The following HMCN1 variants were observed in gnomAD, a reference collection of about 807,000 sequenced individuals.
The protein encoded by HMCN1 is hemicentin-1.
In HMCN1, 321 loss-of-function variants were observed where a neutral mutation model predicts 625.9. That is an observed-to-expected ratio of 0.51 (90% CI 0.47 to 0.56). The LOEUF (loss-of-function observed/expected upper bound fraction) is 0.56. Among genes scored for constraint, HMCN1 ranks in the 20% least tolerant of loss-of-function variants. The probability of loss-of-function intolerance (pLI) is 0.00; values close to 1 mark genes in which losing one functional copy is unlikely to be tolerated. For missense variants in HMCN1, 6,588 were observed against 6,887.3 expected, an observed-to-expected ratio of 0.96 and a Z score of 1.54; for synonymous variants, 2,425 against 2,417.6, an observed-to-expected ratio of 1.00 and a Z score of -0.09.
chr1:186,160,919 T>C (rs1390744427), intron 97 of HMCN1, among the ~76,000 whole-genome samples: 1 of 151,868 alleles, frequency 6.6e-6, no homozygotes. Flanking sequence ...TGGAGAGTTC[T>C]GTAGATGTCT....
At chr1:186,120,243 C>A (rs751428309) in intron 80 of HMCN1, 98 bp downstream of exon 80, 23 of 1,327,142 alleles carry the variant, frequency 1.7e-5, no homozygotes, top group Non-Finnish European at 2.4e-5. Context: ...GCTGTTCCCC[C>A]ATAGTTCTCG....
intron 28 of HMCN1, among the ~76,000 whole-genome samples, chr1:186,002,223 G>T (rs2102070318): frequency 6.6e-6 from 1 of 152,196 alleles, no homozygotes; most frequent in African/African-American, 2.4e-5. Flanking sequence ...TTCTAATTAA[G>T]TAGGTAGCAG....
rs1167051920 is a variant in HMCN1 at position 186,065,298 on chromosome 1, C to T, written c.7574C>T (p.Ala2525Val). ...GGGCAGCCCCTCCAAGAAGATGAAGCCCATCACATTATATCTGGTGGCCGT... is the reference window on the plus strand; with the variant it reads ...GGGCAGCCCCTCCAAGAAGATGAAGTCCATCACATTATATCTGGTGGCCGT... ...KDGQPLQEDE[A>V]HHIISGGRFL... Residue 2525 changes from alanine (A) to valine (V), a missense_variant, in exon 49 of 107, where the codon GCC becomes GTC. This residue lies in a region of HMCN1 where 4,628 missense variants were observed against 4,853.1 expected (regional missense o/e 0.95). Transcript: ENST00000271588. The T allele has an allele frequency of 1.9e-6, 3 of 1,612,398 alleles. No individual in the cohort carries two copies. In the African/African-American group the frequency reaches 4.0e-5, roughly 22 times the overall value.
At chr1:185,968,356 C>T (rs1053027160) in intron 14 of HMCN1, among the ~76,000 whole-genome samples, 2 of 152,032 alleles carry the variant, frequency 1.3e-5, no homozygotes, top group African/African-American at 4.8e-5. Context: ...ACTCTTCTCA[C>T]TAACTTTCTC....
At position 186,089,216 on chromosome 1, in the gene HMCN1, G is replaced by A. The variant is rs945767739; in HGVS notation, c.9727+461G>A. 9.9e-5 allele frequency among the ~76,000 whole-genome samples: 15 copies of A among 152,072 alleles called. 2 individuals carry two copies. In the South Asian group the frequency reaches 3.1e-3, roughly 32 times the overall value. On this transcript the variant is annotated intron_variant, in intron 63 of 106. Coordinates refer to ENST00000271588, the MANE Select transcript of HMCN1 (RefSeq NM_031935.3). ...TATTTTAAGATGAGCAATTCATCAA[G>A]TATTTAATTAATGCCTATTATGTTC...
At chr1:185,745,287 A>G (rs1378178407) in intron 1 of HMCN1, among the ~76,000 whole-genome samples, 1 of 152,206 alleles carries the variant, frequency 6.6e-6, no homozygotes, top group African/African-American at 2.4e-5. Flanking sequence ...GCCAAGTTCT[A>G]ACTAGGGTTC....
chr1:185,984,705 CT>C (rs2102010855), intron 19 of HMCN1, among the ~76,000 whole-genome samples: 1 of 152,292 alleles, frequency 6.6e-6, no homozygotes, highest in South Asian at 2.1e-4. Flanking sequence ...CCCCTTTGTG[CT>C]TGAGCTAGAA....
intron 15 of HMCN1, 39 bp downstream of exon 15, chr1:185,970,532 T>C (rs1335686324): frequency 6.5e-7 from 1 of 1,542,984 alleles, no homozygotes; most frequent in Non-Finnish European, 9.0e-7. Context: ...TGTTTAGAAA[T>C]TGATATGTTA....
At chr1:185,804,730 A>C (rs1659057283) in intron 1 of HMCN1, among the ~76,000 whole-genome samples, 1 of 151,998 alleles carries the variant, frequency 6.6e-6, no homozygotes, top group South Asian at 2.1e-4. Context: ...ATGTGTCCTT[A>C]CTTTGACCTG....
At chr1:186,094,870 A>T (rs1660046534) in intron 67 of HMCN1, among the ~76,000 whole-genome samples, 1 of 152,182 alleles carries the variant, frequency 6.6e-6, no homozygotes, top group African/African-American at 2.4e-5. Flanking sequence ...GTAATCTACA[A>T]ATGACTTACC....
At chr1:185,935,548 T>A (rs188320025) in intron 11 of HMCN1, among the ~76,000 whole-genome samples, 17 of 152,208 alleles carry the variant, frequency 1.1e-4, no homozygotes, top group Admixed American at 1.1e-3. Context: ...TCCAACAATT[T>A]TAAAAAGTGC....
chr1:186,005,694 C>T (rs1653580689), intron 29 of HMCN1, among the ~76,000 whole-genome samples: 1 of 152,122 alleles, frequency 6.6e-6, no homozygotes, highest in African/African-American at 2.4e-5. Context: ...AGCAGACTCA[C>T]ATTAGGGGCC....
chr1:185,968,774 C>T, intron 14 of HMCN1, among the ~76,000 whole-genome samples: 1 of 152,088 alleles, frequency 6.6e-6, no homozygotes, highest in African/African-American at 2.4e-5. Flanking sequence ...CTATGTATAA[C>T]ATTCTTCTAG....
intron 1 of HMCN1, among the ~76,000 whole-genome samples, chr1:185,744,686 C>A (rs929507546): frequency 6.6e-6 from 1 of 152,096 alleles, no homozygotes. Context: ...TGCACCTGAT[C>A]CTGAATTAAG....
chr1:186,047,369 G>A (rs1380546465), intron 41 of HMCN1, among the ~76,000 whole-genome samples: 3 of 152,140 alleles, frequency 2.0e-5, no homozygotes, highest in African/African-American at 7.2e-5. Context: ...AAATGACAGA[G>A]GGATACAATT....
chr1:186,178,401 A>C lies in HMCN1; in HGVS notation c.15944-15A>C. 1.3e-6 allele frequency: 2 copies of C among 1,584,490 alleles called. No homozygotes were observed. The highest frequency in any genetic ancestry group is 1.7e-6 in the Non-Finnish European group (2 of 1,153,482). ...TGTCTTTTTTTTTCTTTTTTATATCATGGCATACGAGCAGACATTAATGAA... is the reference window on the plus strand; with the variant it reads ...TGTCTTTTTTTTTCTTTTTTATATCCTGGCATACGAGCAGACATTAATGAA... On this transcript the variant is annotated splice_polypyrimidine_tract_variant and intron_variant, in intron 103 of 106. Coordinates refer to ENST00000271588, the MANE Select transcript of HMCN1 (RefSeq NM_031935.3).
intron 23 of HMCN1, 110 bp from the exon 24 acceptor site, chr1:185,994,705 A>T: frequency 8.8e-7 from 1 of 1,139,094 alleles, no homozygotes; most frequent in Non-Finnish European, 1.3e-6. Context: ...CAAATTCTGA[A>T]ATTATTTCAC....
chr1:185,990,495 G>C (rs1419810851), intron 22 of HMCN1, 52 bp downstream of exon 22: 2 of 1,495,490 alleles, frequency 1.3e-6, no homozygotes, highest in South Asian at 2.3e-5. Flanking sequence ...CAACCTCTTG[G>C]GACAGATGGC....
chr1:185,768,223 A>T (rs1655996648), intron 1 of HMCN1, among the ~76,000 whole-genome samples: 2 of 152,086 alleles, frequency 1.3e-5, no homozygotes, highest in African/African-American at 2.4e-5. Context: ...GGCCAGGATG[A>T]CTCTCATAGG....
Sources: allele counts gnomAD v4.1 joint callset (sites outside exome capture counted in the v4.1 genomes callset), GRCh38; gene constraint gnomAD v4.1.1; regional missense constraint gnomAD v4.1.1; transcripts MANE v1.5; gene names NCBI Gene and HGNC (gene_info 2026-07-23, HGNC 2026-07-21).